The following CHCHD3 variants were observed in gnomAD, a reference collection of about 807,000 sequenced individuals.
CHCHD3 encodes MICOS complex subunit MIC19.
A neutral mutation model predicts 38.2 loss-of-function variants in CHCHD3; 20 were observed. The ratio of observed to expected loss-of-function variants is 0.52; its 90% CI spans 0.37 to 0.76. The LOEUF (loss-of-function observed/expected upper bound fraction) is 0.76, where lower values mean the gene tolerates loss of function less well. Ranked by LOEUF, CHCHD3 falls within the 30% of genes least tolerant of loss-of-function variation. The probability of loss-of-function intolerance (pLI) is 0.00; values close to 1 mark genes in which losing one functional copy is unlikely to be tolerated. For synonymous variants in CHCHD3, 82 were observed against 100.0 expected (o/e 0.82, Z 1.07); for missense variants, 245 against 279.2 (o/e 0.88, Z 0.87).
intron 4 of CHCHD3, among the ~76,000 whole-genome samples, chr7:132,894,492 T>G (rs771258580): frequency 5.3e-5 from 8 of 152,218 alleles, no homozygotes; most frequent in African/African-American, 1.9e-4. Context: ...CTTTTGCAGC[T>G]AATAAAACCT....
At chr7:132,984,697 C>T (rs1812038642) in intron 3 of CHCHD3, among the ~76,000 whole-genome samples, 1 of 149,638 alleles carries the variant, frequency 6.7e-6, no homozygotes. Context: ...ATGTGAGGAG[C>T]GTCTCTGCCC....
At position 133,015,305 on chromosome 7, in the gene CHCHD3, T is replaced by C. The variant is rs564283528; in HGVS notation, c.251+9241A>G. 8.5e-4 allele frequency among the ~76,000 whole-genome samples: 129 copies of C among 151,806 alleles called. 2 individuals are homozygous for C. In the Middle Eastern group the frequency reaches 0.01, roughly 12 times the overall value. Reference sequence around the variant, plus strand: ...TTGCAGTGAGCCTAGATTGTGCCACTGCACTCCAACCTGGGCGACAGAGCC... The same window carrying C: ...TTGCAGTGAGCCTAGATTGTGCCACCGCACTCCAACCTGGGCGACAGAGCC... On this transcript the variant is annotated intron_variant, in intron 3 of 7. Coordinates refer to ENST00000262570, the MANE Select transcript of CHCHD3 (RefSeq NM_017812.4).
intron 3 of CHCHD3, among the ~76,000 whole-genome samples, chr7:132,983,923 A>G (rs1811989382): frequency 6.6e-6 from 1 of 151,730 alleles, no homozygotes; most frequent in African/African-American, 2.4e-5. Flanking sequence ...TTTGAGAAAT[A>G]CCTTTTAATC....
At chr7:133,026,100 T>A (rs371705824) in intron 2 of CHCHD3, among the ~76,000 whole-genome samples, 1 of 152,162 alleles carries the variant, frequency 6.6e-6, no homozygotes, top group East Asian at 1.9e-4. Context: ...GGAGAAAATA[T>A]CTGCAAGTCA....
intron 6 of CHCHD3, among the ~76,000 whole-genome samples, chr7:132,818,273 A>G (rs1221475099): frequency 6.6e-6 from 1 of 152,214 alleles, no homozygotes; most frequent in African/African-American, 2.4e-5. Flanking sequence ...ATCTTCATAA[A>G]TGTGTCCACG....
At chr7:132,981,944 G>C (rs1811927662) in intron 3 of CHCHD3, among the ~76,000 whole-genome samples, 1 of 152,154 alleles carries the variant, frequency 6.6e-6, no homozygotes, top group African/African-American at 2.4e-5. Flanking sequence ...AACACTGAAA[G>C]AGAAAAATGA....
intron 5 of CHCHD3, among the ~76,000 whole-genome samples, chr7:132,880,597 G>A (rs1809026399): frequency 6.6e-6 from 1 of 151,922 alleles, no homozygotes. Flanking sequence ...TGTGCTATTT[G>A]TAGAAAATAC....
At chr7:133,050,073 G>A (rs1018764414) in intron 2 of CHCHD3, among the ~76,000 whole-genome samples, 8 of 152,202 alleles carry the variant, frequency 5.3e-5, no homozygotes, top group African/African-American at 1.2e-4. Flanking sequence ...AGGGCCAGGC[G>A]TGGTGGCTCA....
At chr7:133,068,728 G>A (rs762648526) in intron 2 of CHCHD3, among the ~76,000 whole-genome samples, 1 of 152,144 alleles carries the variant, frequency 6.6e-6, no homozygotes, top group East Asian at 1.9e-4. Flanking sequence ...AGATGGAGTT[G>A]ACAAGACTAG....
intron 4 of CHCHD3, among the ~76,000 whole-genome samples, chr7:132,892,673 AG>A (rs1268772518): frequency 2.0e-5 from 3 of 152,212 alleles, no homozygotes; most frequent in African/African-American, 7.2e-5. Flanking sequence ...GACCAGACCC[AG>A]GGCACTGCTG....
Position 132,793,385 on chromosome 7 carries a change from T to C in CHCHD3, c.660+3057A>G, listed in dbSNP as rs562866561. On this transcript the variant is annotated intron_variant, in intron 7 of 7. Coordinates refer to ENST00000262570, the MANE Select transcript of CHCHD3 (RefSeq NM_017812.4). ...CTTCCTTTGTAAATGCTGTATCTCA[T>C]ACAGCCAGCCAGCTGGTAGCTTTTA... Among the ~76,000 whole-genome samples the C allele has an allele frequency of 5.9e-5, 9 of 152,330 alleles. No individual in the cohort carries two copies. In the East Asian group the frequency reaches 1.5e-3, roughly 26 times the overall value.
At chr7:132,817,640 C>G (rs540489576) in intron 6 of CHCHD3, among the ~76,000 whole-genome samples, 2 of 152,074 alleles carry the variant, frequency 1.3e-5, no homozygotes, top group Non-Finnish European at 2.9e-5. Context: ...GGTAATTACT[C>G]GATCACTGAC....
intron 3 of CHCHD3, among the ~76,000 whole-genome samples, chr7:132,981,181 A>T (rs1294654713): frequency 7.3e-5 from 11 of 150,806 alleles, no homozygotes; most frequent in African/African-American, 2.4e-4. Flanking sequence ...TTTTGTGGAG[A>T]CGAGGTTTCA....
At chr7:132,886,639 T>C (rs565221659) in intron 4 of CHCHD3, among the ~76,000 whole-genome samples, 1 of 151,422 alleles carries the variant, frequency 6.6e-6, no homozygotes, top group Non-Finnish European at 1.5e-5. Context: ...TGTGTATATA[T>C]ATGTGTATAT....
chr7:132,974,478 A>G (rs1334985379), intron 4 of CHCHD3, among the ~76,000 whole-genome samples: 1 of 152,328 alleles, frequency 6.6e-6, no homozygotes, highest in Non-Finnish European at 1.5e-5. Context: ...CCTTTGCCAG[A>G]GTCTTCCAGA....
chr7:133,023,053 A>G (rs1472434373), intron 3 of CHCHD3, among the ~76,000 whole-genome samples: 1 of 152,106 alleles, frequency 6.6e-6, no homozygotes, highest in Non-Finnish European at 1.5e-5. Flanking sequence ...AAATTCTACC[A>G]TAACATATTG....
Position 133,081,840 on chromosome 7 carries a change from C to T in CHCHD3, c.81+17G>A, listed in dbSNP as rs1815181470. The T allele has an allele frequency of 3.9e-6, 6 of 1,551,844 alleles. No homozygotes were observed. The African/African-American group carries it at 4.1e-5, about 11-fold the overall frequency. On this transcript the variant is annotated intron_variant, in intron 1 of 7. Coordinates refer to ENST00000262570, the MANE Select transcript of CHCHD3 (RefSeq NM_017812.4). ...CGAGTCCAACCACTGGCCCTCCGCC[C>T]GTCCACGGGCACTCACCCGGATGCC...
intron 4 of CHCHD3, among the ~76,000 whole-genome samples, chr7:132,942,988 C>T (rs1810805537): frequency 6.6e-6 from 1 of 151,908 alleles, no homozygotes; most frequent in African/African-American, 2.4e-5. Flanking sequence ...GAAAGGAACC[C>T]AAGCCAACAA....
At chr7:133,003,519 G>C (rs1054383310) in intron 3 of CHCHD3, among the ~76,000 whole-genome samples, 1 of 152,226 alleles carries the variant, frequency 6.6e-6, no homozygotes, top group Non-Finnish European at 1.5e-5. Flanking sequence ...TGACTCAAAA[G>C]TGTGATAGCT....
Sources: gnomAD v4.1 joint callset for allele counts (sites outside exome capture counted in the v4.1 genomes callset) on GRCh38, gnomAD v4.1.1 for gene constraint, MANE v1.5 for transcripts, NCBI Gene and HGNC (gene_info 2026-07-23, HGNC 2026-07-21) for gene names.